The following TMTC2 variants were observed in gnomAD, a reference collection of about 807,000 sequenced individuals.
TMTC2 encodes the protein protein O-mannosyl-transferase TMTC2.
Under a neutral mutation model 82.4 loss-of-function variants are expected in TMTC2, and 43 were observed. The observed-to-expected ratio is 0.52, with a 90% CI of 0.41 to 0.67. The LOEUF (loss-of-function observed/expected upper bound fraction) is 0.67. TMTC2 is among the 30% of genes least tolerant of loss of function. The pLI is 0.00. For missense variants in TMTC2, 919 were observed against 1,012.4 expected, an observed-to-expected ratio of 0.91 and a Z score of 1.25; for synonymous variants, 408 against 381.9, an observed-to-expected ratio of 1.07 and a Z score of -0.80.
rs367619938 is a variant in TMTC2, at chr12:82,798,188, C to T, written c.84-58822C>T. ...GCCAGGATGGTCTCCATCTCCTGAC[C>T]TCGTGATCCACCTGCCTCAGCCTCC... On this transcript the variant is annotated intron_variant, in intron 1 of 11. Transcript: ENST00000321196. Among the ~76,000 whole-genome samples the T allele has an allele frequency of 2.0e-3, 298 of 150,592 alleles. 1 individual carries two copies. The highest frequency in any genetic ancestry group is 6.9e-3 in the African/African-American group (287 of 41,436).
At chr12:83,108,223 A>G (rs1312586750) in intron 11 of TMTC2, among the ~76,000 whole-genome samples, 1 of 152,178 alleles carries the variant, frequency 6.6e-6, no homozygotes, top group Non-Finnish European at 1.5e-5. Context: ...ATGAAAAGTA[A>G]TACTACTAAT....
intron 7 of TMTC2, among the ~76,000 whole-genome samples, chr12:82,982,651 T>C (rs963970870): frequency 1.3e-5 from 2 of 151,984 alleles, no homozygotes; most frequent in Non-Finnish European, 2.9e-5. Context: ...CCTTATTCTC[T>C]TAATTCAATA....
At chr12:82,711,073 G>A (rs1359429845) in intron 1 of TMTC2, among the ~76,000 whole-genome samples, 1 of 152,100 alleles carries the variant, frequency 6.6e-6, no homozygotes. Flanking sequence ...CAAGCTTCTG[G>A]TAAGACAAAT....
At chr12:82,928,028 A>G (rs1821054625) in intron 3 of TMTC2, among the ~76,000 whole-genome samples, 1 of 152,152 alleles carries the variant, frequency 6.6e-6, no homozygotes, top group Non-Finnish European at 1.5e-5. Flanking sequence ...TTTCCTTTAT[A>G]TGTCTGTTGC....
chr12:82,975,215 T>G (rs917678604), intron 7 of TMTC2, among the ~76,000 whole-genome samples: 1 of 152,090 alleles, frequency 6.6e-6, no homozygotes, highest in Non-Finnish European at 1.5e-5. Flanking sequence ...AAATATAAAT[T>G]AAGTTGAAAA....
In TMTC2 at chr12:82,772,766, C is replaced by G. The variant is rs531622556; in HGVS notation, c.84-84244C>G. Among the ~76,000 whole-genome samples the G allele has an allele frequency of 7.2e-4, 109 of 152,230 alleles. 1 individual carries two copies. Among genetic ancestry groups the G allele is most frequent in the Non-Finnish European group, 1.4e-3 (94 of 68,012 alleles). On this transcript the variant is annotated intron_variant, in intron 1 of 11. Transcript: ENST00000321196. ...CCAAAAGCTAAGCCAAATAATGCTA[C>G]TTTCCCAAGAAAATTCTGTAATTTT...
intron 10 of TMTC2, among the ~76,000 whole-genome samples, chr12:83,054,846 G>A (rs992951316): frequency 1.3e-5 from 2 of 151,832 alleles, no homozygotes; most frequent in African/African-American, 4.8e-5. Context: ...CATAATGAAG[G>A]CAAAATCAAT....
chr12:82,815,287 AT>A (rs35061351), intron 1 of TMTC2, among the ~76,000 whole-genome samples: 3 of 144,098 alleles, frequency 2.1e-5, no homozygotes, highest in South Asian at 2.2e-4. Flanking sequence ...TTGCGCATTT[AT>A]TTTTTTTAAT....
chr12:82,895,779 T>C, intron 2 of TMTC2, 39 bp from the exon 3 acceptor site: 1 of 1,548,788 alleles, frequency 6.5e-7, no homozygotes, highest in South Asian at 1.2e-5. Context: ...GCTGTACTGA[T>C]AATAATCTTA....
At chr12:83,107,777 C>CT (rs370731001) in intron 11 of TMTC2, among the ~76,000 whole-genome samples, 6 of 151,886 alleles carry the variant, frequency 4.0e-5, no homozygotes, top group Admixed American at 1.3e-4. Context: ...TATGACCCCC[C>CT]GTGCCCACAA....
chr12:82,826,059 A>G (rs1255840497), intron 1 of TMTC2, among the ~76,000 whole-genome samples: 1 of 152,274 alleles, frequency 6.6e-6, no homozygotes, highest in African/African-American at 2.4e-5. Flanking sequence ...ATAAATTTAT[A>G]CATATCAAGC....
At chr12:82,965,321 A>G (rs529957822) in intron 5 of TMTC2, among the ~76,000 whole-genome samples, 12 of 152,214 alleles carry the variant, frequency 7.9e-5, no homozygotes, top group African/African-American at 2.4e-4. Flanking sequence ...CTTTTACTCA[A>G]CTATATTTTA....
At chr12:83,117,152 C>T (rs1454013905) in intron 11 of TMTC2, among the ~76,000 whole-genome samples, 1 of 152,086 alleles carries the variant, frequency 6.6e-6, no homozygotes, top group East Asian at 1.9e-4. Context: ...TGTGGCTAGC[C>T]AATTATCCCA....
chr12:83,102,698 TTTTG>T (rs943535799), intron 11 of TMTC2, among the ~76,000 whole-genome samples: 12 of 152,302 alleles, frequency 7.9e-5, no homozygotes, highest in Admixed American at 7.8e-4. Flanking sequence ...GCTGTCTGTG[TTTTG>T]TTTATGTTGC....
At chr12:82,957,320 A>T (rs1877668016) in intron 4 of TMTC2, among the ~76,000 whole-genome samples, 2 of 152,238 alleles carry the variant, frequency 1.3e-5, no homozygotes, top group South Asian at 2.1e-4. Flanking sequence ...AGAAATCAAA[A>T]TTTTTTTAAG....
intron 1 of TMTC2, among the ~76,000 whole-genome samples, chr12:82,817,170 T>C (rs908569561): frequency 1.3e-5 from 2 of 151,978 alleles, no homozygotes; most frequent in African/African-American, 4.8e-5. Context: ...GGTTTCACCA[T>C]GTTGGCCACG....
At chr12:83,118,329 C>T (rs1345342496) in intron 11 of TMTC2, among the ~76,000 whole-genome samples, 1 of 152,060 alleles carries the variant, frequency 6.6e-6, no homozygotes, top group Non-Finnish European at 1.5e-5. Flanking sequence ...GCTTTTACTA[C>T]ATTGAGGTAT....
chr12:82,783,036 A>G (rs921889696), intron 1 of TMTC2, among the ~76,000 whole-genome samples: 8 of 152,126 alleles, frequency 5.3e-5, no homozygotes, highest in South Asian at 2.1e-4. Flanking sequence ...CACAATGAAA[A>G]CAGGGTACAT....
intron 11 of TMTC2, among the ~76,000 whole-genome samples, chr12:83,131,382 A>G (rs1037428940): frequency 2.0e-5 from 3 of 152,140 alleles, no homozygotes; most frequent in African/African-American, 7.2e-5. Context: ...CTGGTGCAAC[A>G]TAACTCATGC....
Sources: allele counts gnomAD v4.1 joint callset (sites outside exome capture counted in the v4.1 genomes callset), GRCh38; gene constraint gnomAD v4.1.1; transcripts MANE v1.5; gene names NCBI Gene and HGNC (gene_info 2026-07-23, HGNC 2026-07-21).